Variants in PLXNA4 observed in about 807,000 individuals in gnomAD.
PLXNA4 encodes plexin-A4.
PLXNA4 carries 44 observed loss-of-function variants against 191.8 expected under a neutral mutation model. The ratio of observed to expected loss-of-function variants is 0.23; its 90% CI spans 0.18 to 0.29. The LOEUF (loss-of-function observed/expected upper bound fraction) is 0.29, where lower values mean the gene tolerates loss of function less well. PLXNA4 is among the 10% of genes least tolerant of loss of function. The probability of loss-of-function intolerance (pLI) is 1.00; values close to 1 mark genes in which losing one functional copy is unlikely to be tolerated. For missense variants in PLXNA4, 1,800 were observed against 2,488.8 expected (o/e 0.72, Z 5.89); for synonymous variants, 1,082 against 1,009.5 (o/e 1.07, Z -1.36).
At chr7:132,394,196 G>A (rs1793650522) in intron 3 of PLXNA4, among the ~76,000 whole-genome samples, 1 of 152,162 alleles carries the variant, frequency 6.6e-6, no homozygotes, top group Non-Finnish European at 1.5e-5. Flanking sequence ...CCGGGATGGA[G>A]CCGAGTTTCC....
chr7:132,345,944 C>T (rs1254081072), intron 3 of PLXNA4, among the ~76,000 whole-genome samples: 1 of 152,180 alleles, frequency 6.6e-6, no homozygotes, highest in Non-Finnish European at 1.5e-5. Flanking sequence ...TCTCCTCTTT[C>T]CCCATCTGCT....
At position 132,127,251 on chromosome 7, in the gene PLXNA4, A is replaced by T. The variant is rs2116473166; in HGVS notation, c.*3228T>A. ...ACGGGATAAGTTGGAGGGGAAGGTA[A>T]GGAAGATGGCCTTTTCTCTCCTTCT... On this transcript the variant is annotated 3_prime_UTR_variant, in exon 32 of 32. Coordinates refer to ENST00000321063, the MANE Select transcript of PLXNA4 (RefSeq NM_020911.2). 6.6e-6 allele frequency: 1 copy of T among 152,262 alleles called. No individual in the cohort carries two copies. Among genetic ancestry groups the T allele is most frequent in the South Asian group, 2.1e-4 (1 of 4,820 alleles). The allele number at this position is 152,262 out of a possible 1,614,324, so 9.4% of individuals were successfully genotyped here.
chr7:132,512,171 G>A (rs1420841734), intron 1 of PLXNA4, among the ~76,000 whole-genome samples: 1 of 152,220 alleles, frequency 6.6e-6, no homozygotes, highest in Non-Finnish European at 1.5e-5. Flanking sequence ...GCAGGTGCAG[G>A]TCGGGGCTCC....
chr7:132,285,366 T>C (rs1800645926), intron 4 of PLXNA4, among the ~76,000 whole-genome samples: 1 of 152,218 alleles, frequency 6.6e-6, no homozygotes. Context: ...GGAATCCTTT[T>C]GGAGAAGGAT....
chr7:132,141,406 T>A (rs899917406), intron 29 of PLXNA4, among the ~76,000 whole-genome samples: 12 of 152,178 alleles, frequency 7.9e-5, no homozygotes, highest in Non-Finnish European at 1.6e-4. Flanking sequence ...ACCCACCTCA[T>A]GGGCCCCATC....
chr7:132,136,215 C>G (rs1040990500), intron 30 of PLXNA4, among the ~76,000 whole-genome samples: 8 of 152,290 alleles, frequency 5.3e-5, no homozygotes, highest in Admixed American at 3.9e-4. Context: ...GTTGTGCCGG[C>G]CCCAGTGCTG....
At chr7:132,223,235 C>T (rs1798203745) in intron 9 of PLXNA4, among the ~76,000 whole-genome samples, 1 of 152,212 alleles carries the variant, frequency 6.6e-6, no homozygotes, top group African/African-American at 2.4e-5. Flanking sequence ...ACACACCCAT[C>T]TCTTTGGAAT....
chr7:132,187,722 A>G, intron 14 of PLXNA4, 115 bp from the exon 15 acceptor site: 2 of 1,460,476 alleles, frequency 1.4e-6, no homozygotes, highest in South Asian at 1.4e-5. Flanking sequence ...CTTTGGTAAC[A>G]GTGGTCTCCC....
upstream of PLXNA4, among the ~76,000 whole-genome samples, chr7:132,577,505 T>C (rs968343451): frequency 1.3e-5 from 2 of 151,204 alleles, no homozygotes; most frequent in Admixed American, 1.3e-4. Context: ...GGCTGACATC[T>C]AGAGCGAGGG....
intron 1 of PLXNA4, among the ~76,000 whole-genome samples, chr7:132,556,149 T>A (rs1800792043): frequency 6.6e-6 from 1 of 152,216 alleles, no homozygotes; most frequent in Non-Finnish European, 1.5e-5. Context: ...AATAAACTTG[T>A]AAGAGTTACT....
chr7:132,504,732 A>G (rs1438363926), intron 2 of PLXNA4, among the ~76,000 whole-genome samples: 1 of 152,172 alleles, frequency 6.6e-6, no homozygotes, highest in African/African-American at 2.4e-5. Context: ...TTCTCAATTC[A>G]CAGGGCTCAA....
In PLXNA4 at chr7:132,174,949, C is replaced by T. The variant is rs550040739; in HGVS notation, c.3875-29G>A. 9 of 1,612,174 alleles carry T rather than the reference C, an allele frequency of 5.6e-6. No homozygotes were observed. The South Asian group carries it at 6.6e-5, about 12-fold the overall frequency. On this transcript the variant is annotated intron_variant, in intron 20 of 31. Coordinates refer to ENST00000321063, the MANE Select transcript of PLXNA4 (RefSeq NM_020911.2). The stretch of plus-strand genomic sequence containing the variant: ...GCACGAAGAGAAGCCTGTGAGATGG[C>T]TGGATGGGGAGGCTCCAGGAGTCAC...
At chr7:132,439,410 T>C (rs887720526) in intron 3 of PLXNA4, among the ~76,000 whole-genome samples, 2 of 152,222 alleles carry the variant, frequency 1.3e-5, no homozygotes, top group Admixed American at 6.5e-5. Context: ...TGTACATACA[T>C]GTATACACAC....
intron 3 of PLXNA4, among the ~76,000 whole-genome samples, chr7:132,414,984 C>A (rs941639062): frequency 5.3e-5 from 8 of 152,244 alleles, no homozygotes; most frequent in Admixed American, 6.5e-5. Flanking sequence ...CTTGGCCCTA[C>A]ACAGGCCCCT....
intron 1 of PLXNA4, among the ~76,000 whole-genome samples, chr7:132,538,648 G>A (rs910347007): frequency 6.6e-6 from 1 of 152,186 alleles, no homozygotes; most frequent in Admixed American, 6.5e-5. Flanking sequence ...AAGGTGTTTA[G>A]CATCTGCCCC....
intron 4 of PLXNA4, among the ~76,000 whole-genome samples, 183 bp from the exon 5 acceptor site, chr7:132,241,349 G>A (rs1269109737): frequency 6.6e-6 from 1 of 152,184 alleles, no homozygotes; most frequent in Non-Finnish European, 1.5e-5. Flanking sequence ...GGCCACATAT[G>A]CATCCAGGGA....
chr7:132,397,863 G>T (rs1026466353), intron 3 of PLXNA4, among the ~76,000 whole-genome samples: 15 of 152,224 alleles, frequency 9.9e-5, no homozygotes, highest in Admixed American at 4.6e-4. Flanking sequence ...GGGGAGAAAG[G>T]TGATATACCT....
intron 21 of PLXNA4, among the ~76,000 whole-genome samples, chr7:132,174,408 T>A (rs1005284725): frequency 6.6e-6 from 1 of 152,190 alleles, no homozygotes; most frequent in African/African-American, 2.4e-5. Context: ...ACTACGTGAG[T>A]CAAATCCCCT....
At chr7:132,377,151 T>C (rs561006188) in intron 3 of PLXNA4, among the ~76,000 whole-genome samples, 18 of 152,302 alleles carry the variant, frequency 1.2e-4, no homozygotes, top group South Asian at 4.1e-4. Context: ...AGCCAGAGAA[T>C]ACGAGATGCT....
Sources: gnomAD v4.1 joint callset for allele counts (sites outside exome capture counted in the v4.1 genomes callset) on GRCh38, gnomAD v4.1.1 for gene constraint, MANE v1.5 for transcripts, NCBI Gene and HGNC (gene_info 2026-07-23, HGNC 2026-07-21) for gene names.